Variants in FIBCD1 observed in about 807,000 individuals in gnomAD.
The protein encoded by FIBCD1 is fibrinogen C domain-containing protein 1.
A neutral mutation model predicts 45.1 loss-of-function variants in FIBCD1; 47 were observed. That is an observed-to-expected ratio of 1.04 (90% confidence interval 0.82 to 1.33). The LOEUF is 1.33. FIBCD1 is among the 40% of genes most tolerant of loss of function. The pLI is 0.00. For missense variants in FIBCD1, 653 were observed against 682.2 expected (o/e 0.96, Z 0.48); for synonymous variants, 313 against 308.1 (o/e 1.02, Z -0.17).
chr9:130,919,880 G>C (rs1832229659), intron 4 of FIBCD1, among the ~76,000 whole-genome samples: 3 of 151,398 alleles, frequency 2.0e-5, no homozygotes, highest in Admixed American at 6.6e-5. Flanking sequence ...CCCAGCCAGT[G>C]ACTATGCAAT....
intron 6 of FIBCD1, 86 bp downstream of exon 6, chr9:130,905,148 G>C (rs1160875800): frequency 7.5e-7 from 1 of 1,327,228 alleles, no homozygotes; most frequent in Non-Finnish European, 1.0e-6. Context: ...CATTAGCCTT[G>C]ATCATTTTGG....
chr9:130,906,087 G>C (rs1831923658), intron 5 of FIBCD1, among the ~76,000 whole-genome samples: 1 of 152,154 alleles, frequency 6.6e-6, no homozygotes, highest in South Asian at 2.1e-4. Context: ...CGCTGGCTTA[G>C]TGGATGGGAG....
At position 130,924,385 on chromosome 9, in the gene FIBCD1, C is replaced by G. The variant is rs750548107; in HGVS notation, c.564G>C (p.Glu188Asp). Residue 188 changes from glutamate (E) to aspartate (D), a missense_variant, in exon 3 of 7, where the codon GAG becomes GAC. Transcript: ENST00000372338. ...CCAGGTGAGCCATGTGGCCCTGGCT[C>G]TCAGAGAGAAGCTGCGGAGCACAGG... is the stretch of plus-strand genomic sequence containing the variant. Reference protein sequence around the residue: ...EQGRLIQLLSESQGHMAHLVN... With the variant: ...EQGRLIQLLSDSQGHMAHLVN... 1 of 1,608,674 alleles carries G rather than the reference C, an allele frequency of 6.2e-7. No individual in the cohort carries two copies. The highest frequency in any genetic ancestry group is 1.1e-5 in the South Asian group (1 of 89,760).
At position 130,921,744 on chromosome 9, in the gene FIBCD1, C is replaced by T. The variant is rs187697242; in HGVS notation, c.849+2000G>A. ...TTCGGCTGGTGCCTCCTCACTGTTC[C>T]GCCCGCCAAGGGGTTCCCAGAAGCA... On this transcript the variant is annotated intron_variant, in intron 4 of 6. Transcript: ENST00000372338. 1.6e-3 allele frequency among the ~76,000 whole-genome samples: 248 copies of T among 152,342 alleles called. 1 individual carries two copies. The highest frequency in any genetic ancestry group is 5.7e-3 in the African/African-American group (237 of 41,574).
Position 130,929,755 on chromosome 9 carries a change from G to A in FIBCD1, c.364C>T (p.His122Tyr), listed in dbSNP as rs369937415. 54 of 1,563,548 alleles carry A rather than the reference G, an allele frequency of 3.5e-5. No homozygotes were observed. The African/African-American group carries it at 6.7e-4, about 19-fold the overall frequency. ...QASVLQALTE[H>Y]QAQPRLVGDQ... ...CCCACCAGCCGTGGCTGGGCCTGGT[G>A]CTCTGTCAGCGCCTGCAGCACCGAG... Residue 122 changes from histidine (H) to tyrosine (Y), a missense_variant, in exon 2 of 7, where the codon CAC becomes TAC. By Grantham distance (83) the His-to-Tyr change is moderately conservative (BLOSUM62 2). Transcript: ENST00000372338.
intron 6 of FIBCD1, 41 bp from the exon 7 acceptor site, chr9:130,904,364 G>A: frequency 6.4e-7 from 1 of 1,563,030 alleles, no homozygotes; most frequent in African/African-American, 1.3e-5. Flanking sequence ...GGGGGGCACG[G>A]GTACACCCAC....
chr9:130,904,501 C>A (rs915275274), intron 6 of FIBCD1, among the ~76,000 whole-genome samples, 178 bp from the exon 7 acceptor site: 4 of 152,186 alleles, frequency 2.6e-5, no homozygotes, highest in African/African-American at 7.2e-5. Context: ...CCCTCCACAC[C>A]CGGGTGTGTC....
intron 1 of FIBCD1, among the ~76,000 whole-genome samples, chr9:130,936,972 G>GGTGTGT (rs10585045): frequency 1.3e-5 from 2 of 150,450 alleles, no homozygotes; most frequent in Non-Finnish European, 3.0e-5. Context: ...TGAGTGAAGG[G>GGTGTGT]GTGTGTGTGT....
chr9:130,914,083 C>T (rs1196463811), intron 4 of FIBCD1, among the ~76,000 whole-genome samples: 1 of 152,194 alleles, frequency 6.6e-6, no homozygotes, highest in Non-Finnish European at 1.5e-5. Flanking sequence ...GACCATCCAC[C>T]GAGAATAAGC....
intron 4 of FIBCD1, among the ~76,000 whole-genome samples, chr9:130,914,692 G>A (rs541146071): frequency 9.2e-5 from 14 of 152,162 alleles, no homozygotes; most frequent in Admixed American, 7.9e-4. Flanking sequence ...CACAGCCTCC[G>A]AGAGGATCCC....
Position 130,923,896 on chromosome 9 carries a change from C to T in FIBCD1, c.713-16G>A. ...GGCCGGGAGCCTGAGGGAGGCAAGG[C>T]TGTCAGGGTGGCTGCGGCCCCAGCA... On this transcript the variant is annotated splice_polypyrimidine_tract_variant and intron_variant, in intron 3 of 6. Transcript: ENST00000372338. 1.9e-6 allele frequency: 3 copies of T among 1,611,944 alleles called. No individual in the cohort carries two copies. Among genetic ancestry groups the T allele is most frequent in the Non-Finnish European group, 2.5e-6 (3 of 1,179,926 alleles).
chr9:130,925,955 T>TA (rs1350726828), intron 2 of FIBCD1, among the ~76,000 whole-genome samples: 2 of 152,176 alleles, frequency 1.3e-5, no homozygotes, highest in African/African-American at 4.8e-5. Flanking sequence ...GCAAAGCTTT[T>TA]AGTTTCCCTG....
At chr9:130,905,502 G>T in intron 5 of FIBCD1, 89 bp from the exon 6 acceptor site, 1 of 1,367,702 alleles carries the variant, frequency 7.3e-7, no homozygotes, top group Non-Finnish European at 9.9e-7. Context: ...CTGAGCTCAT[G>T]CAGTTGGGGA....
At position 130,923,551 on chromosome 9, in the gene FIBCD1, G is replaced by A. The variant is rs540644629; in HGVS notation, c.849+193C>T. On this transcript the variant is annotated intron_variant, in intron 4 of 6. Transcript: ENST00000372338. ...CTCCAGAGTGGGTACCCCAGGGTCA[G>A]CTCACAGAGTCCCCTGTTCCCCTCT... 1.1e-4 allele frequency among the ~76,000 whole-genome samples: 16 copies of A among 152,278 alleles called. 1 individual carries two copies. In the South Asian group the frequency reaches 2.5e-3, roughly 24 times the overall value.
At chr9:130,927,041 C>G (rs539599440) in intron 2 of FIBCD1, among the ~76,000 whole-genome samples, 1 of 151,862 alleles carries the variant, frequency 6.6e-6, no homozygotes, top group East Asian at 1.9e-4. Flanking sequence ...AGTTTGAGAC[C>G]AGCCTGAGCA....
intron 5 of FIBCD1, among the ~76,000 whole-genome samples, chr9:130,907,243 A>T (rs1831945183): frequency 8.0e-6 from 1 of 125,266 alleles, no homozygotes; most frequent in South Asian, 2.9e-4. Flanking sequence ...GGGGGCTGCT[A>T]GGCAGGACGC....
chr9:130,933,645 G>A (rs1832473993), intron 1 of FIBCD1, among the ~76,000 whole-genome samples: 1 of 145,324 alleles, frequency 6.9e-6, no homozygotes, highest in African/African-American at 2.5e-5. Flanking sequence ...CCCCGGTGGT[G>A]TCTCAGTTAC....
intron 4 of FIBCD1, among the ~76,000 whole-genome samples, chr9:130,917,350 G>T (rs1832182843): frequency 6.6e-6 from 1 of 152,244 alleles, no homozygotes; most frequent in Non-Finnish European, 1.5e-5. Context: ...GCGCACCTTG[G>T]AAGTGCCGCT....
intron 5 of FIBCD1, among the ~76,000 whole-genome samples, chr9:130,911,122 C>T (rs540890722): frequency 2.0e-5 from 3 of 152,224 alleles, no homozygotes; most frequent in East Asian, 1.9e-4. Flanking sequence ...TGTTCTTTCA[C>T]TCTTTGGGTC....
Sources: gnomAD v4.1 joint callset for allele counts (sites outside exome capture counted in the v4.1 genomes callset) on GRCh38, gnomAD v4.1.1 for gene constraint, MANE v1.5 for transcripts, NCBI Gene and HGNC (gene_info 2026-07-23, HGNC 2026-07-21) for gene names.